Variants in PKHD1 observed in about 807,000 individuals in gnomAD.
The protein encoded by PKHD1 is PKHD1 ciliary IPT domain containing fibrocystin/polyductin, also known as fibrocystin.
A neutral mutation model predicts 412.0 loss-of-function variants in PKHD1; 291 were observed. The ratio of observed to expected loss-of-function variants is 0.71; its 90% CI spans 0.64 to 0.78. PKHD1 has a LOEUF of 0.78. Among genes scored for constraint, PKHD1 ranks in the 30% least tolerant of loss-of-function variants. PKHD1 has a pLI of 0.00. For missense variants in PKHD1, 4,825 were observed against 4,950.7 expected, an observed-to-expected ratio of 0.97 and a Z score of 0.76; for synonymous variants, 1,777 against 1,821.5, an observed-to-expected ratio of 0.98 and a Z score of 0.62.
intron 52 of PKHD1, among the ~76,000 whole-genome samples, chr6:51,810,069 T>C (rs750147318): frequency 1.3e-5 from 2 of 152,108 alleles, no homozygotes; most frequent in Non-Finnish European, 2.9e-5. Context: ...ATATTTCCTA[T>C]GGACTTCTTG....
chr6:51,825,781 C>T (rs1381114118), intron 52 of PKHD1, among the ~76,000 whole-genome samples: 4 of 152,088 alleles, frequency 2.6e-5, no homozygotes, highest in Non-Finnish European at 4.4e-5. Flanking sequence ...CACTTGTCAC[C>T]ATTCTGATGC....
intron 64 of PKHD1, among the ~76,000 whole-genome samples, chr6:51,635,868 C>T (rs943364209): frequency 6.5e-5 from 3 of 46,098 alleles, no homozygotes; most frequent in Non-Finnish European, 1.3e-4. Flanking sequence ...TGGGGGGGGG[C>T]GGGGGGCCGG....
chr6:52,011,407 A>G (rs1799806352), intron 34 of PKHD1, among the ~76,000 whole-genome samples: 1 of 152,250 alleles, frequency 6.6e-6, no homozygotes. Context: ...AATTAGGAAG[A>G]GGTGTAAAAA....
intron 60 of PKHD1, among the ~76,000 whole-genome samples, chr6:51,712,249 T>C (rs1410958109): frequency 1.3e-5 from 2 of 152,146 alleles, no homozygotes; most frequent in African/African-American, 2.4e-5. Context: ...CGTAACCACA[T>C]AGCTTCTTCC....
At chr6:51,671,824 G>T (rs1323654382) in intron 60 of PKHD1, among the ~76,000 whole-genome samples, 1 of 152,156 alleles carries the variant, frequency 6.6e-6, no homozygotes, top group African/African-American at 2.4e-5. Flanking sequence ...GTGTCAGTCT[G>T]CTCCTGCTGG....
intron 16 of PKHD1, 49 bp from the exon 17 acceptor site, chr6:52,057,028 A>G (rs1189641291): frequency 2.5e-6 from 3 of 1,221,390 alleles, no homozygotes; most frequent in African/African-American, 1.5e-5. Flanking sequence ...TAATTAAGCC[A>G]GAGAGACAAT....
chr6:51,781,654 G>A (rs1792030983), intron 53 of PKHD1, among the ~76,000 whole-genome samples: 1 of 151,940 alleles, frequency 6.6e-6, no homozygotes, highest in African/African-American at 2.4e-5. Flanking sequence ...ATGGCACAGT[G>A]TCTGTACATA....
At chr6:52,087,371 C>T (rs189875313) in intron 1 of PKHD1, 63 bp downstream of exon 1, 2 of 152,300 alleles carry the variant, frequency 1.3e-5, no homozygotes, top group Admixed American at 1.3e-4. Context: ...TTCACCAGAA[C>T]GTTAACAAGA....
intron 60 of PKHD1, among the ~76,000 whole-genome samples, chr6:51,715,466 T>C (rs1781147540): frequency 6.6e-6 from 1 of 152,226 alleles, no homozygotes; most frequent in South Asian, 2.1e-4. Flanking sequence ...TTCTTCCAGA[T>C]ACCTAGTATG....
At chr6:51,680,325 T>C (rs1161963130) in intron 60 of PKHD1, among the ~76,000 whole-genome samples, 1 of 151,976 alleles carries the variant, frequency 6.6e-6, no homozygotes, top group Admixed American at 6.6e-5. Context: ...ACAACACTAC[T>C]TGAAATAAAA....
In PKHD1 at chr6:51,791,321, C is replaced by A; in HGVS notation, c.8355G>T (p.Val2785=). 1 of 1,613,286 alleles carries A rather than the reference C, an allele frequency of 6.2e-7. No homozygotes were observed. The highest frequency in any genetic ancestry group is 8.5e-7 in the Non-Finnish European group (1 of 1,179,268). ...CCACAGGGAAGTCTAAGGTCCCCATCACATACAGCCCTTTGAAGAATGGAA... is the reference window on the plus strand; with the variant it reads ...CCACAGGGAAGTCTAAGGTCCCCATAACATACAGCCCTTTGAAGAATGGAA... ...TDLPFFKGLY[V]MGTLDFPVDR... Residue 2785 remains valine (V), a synonymous_variant, in exon 53 of 67, where the codon GTG becomes GTT. Coordinates refer to ENST00000371117, the MANE Select transcript of PKHD1 (RefSeq NM_138694.4).
intron 52 of PKHD1, among the ~76,000 whole-genome samples, chr6:51,828,936 G>A (rs1391271294): frequency 6.6e-6 from 1 of 152,084 alleles, no homozygotes; most frequent in Non-Finnish European, 1.5e-5. Context: ...ATTTTTTGGA[G>A]ATAGAAGAGG....
At chr6:51,788,832 A>G (rs1459722581) in intron 53 of PKHD1, among the ~76,000 whole-genome samples, 2 of 152,192 alleles carry the variant, frequency 1.3e-5, no homozygotes, top group South Asian at 2.1e-4. Flanking sequence ...TTGAACACCT[A>G]CTACATACCA....
chr6:51,929,855 T>A (rs1295796277), intron 37 of PKHD1, among the ~76,000 whole-genome samples: 1 of 152,248 alleles, frequency 6.6e-6, no homozygotes, highest in Non-Finnish European at 1.5e-5. Flanking sequence ...TTAATGCCTA[T>A]ATCTTGTAAT....
chr6:51,901,536 G>A (rs111495059), intron 43 of PKHD1, among the ~76,000 whole-genome samples: 5,825 of 152,080 alleles, frequency 0.038, 179 homozygotes, highest in Non-Finnish European at 0.063. Flanking sequence ...GGGGGGAGTG[G>A]GGAGGAATAG....
At chr6:51,738,639 T>C (rs1334348238) in intron 60 of PKHD1, among the ~76,000 whole-genome samples, 1 of 152,144 alleles carries the variant, frequency 6.6e-6, no homozygotes, top group Non-Finnish European at 1.5e-5. Flanking sequence ...GTACACTAAA[T>C]AAATAAATTG....
In PKHD1 at chr6:52,065,158, T is replaced by G. The variant is rs867819307; in HGVS notation, c.881-108A>C. Reference sequence around the variant, plus strand: ...TTATATATATATATATATATATATATATATATATATAGAGAGAGAGAGAGA... The same window carrying G: ...TTATATATATATATATATATATATAGATATATATATAGAGAGAGAGAGAGA... On this transcript the variant is annotated intron_variant, in intron 12 of 66. Coordinates refer to ENST00000371117, the MANE Select transcript of PKHD1 (RefSeq NM_138694.4). 4,407 of 77,612 alleles carry G rather than the reference T, an allele frequency of 0.057. 108 individuals are homozygous for G. Among genetic ancestry groups the G allele is most frequent in the African/African-American group, 0.11 (1,547 of 14,288 alleles). The allele number at this position is 77,612 out of a possible 1,614,324, so 4.8% of individuals were successfully genotyped here. A position where few individuals can be genotyped will look rare whatever the true frequency, so the allele number is the denominator to read the frequency against.
chr6:51,748,100 C>T lies in PKHD1; in HGVS notation c.9516G>A (p.Leu3172=). ...ENSVEIENIT[L]VDNTIGLLAV... is the part of the protein sequence containing the mutation. ...CCAAAAGACCAATAGTATTGTCTAC[C>T]AGAGTAATGTTCTCTATCTCCACGC... The change falls in exon 58 of 67, where the codon CTG becomes CTA. Residue 3172 remains leucine, a synonymous_variant. Coordinates refer to ENST00000371117, the MANE Select transcript of PKHD1 (RefSeq NM_138694.4). 1.2e-6 allele frequency: 2 copies of T among 1,613,744 alleles called. No homozygotes were observed. Among genetic ancestry groups the T allele is most frequent in the Non-Finnish European group, 1.7e-6 (2 of 1,179,684 alleles).
intron 51 of PKHD1, among the ~76,000 whole-genome samples, chr6:51,833,416 A>T (rs1768629384): frequency 6.6e-6 from 1 of 152,174 alleles, no homozygotes; most frequent in South Asian, 2.1e-4. Context: ...ATAAGAAAAC[A>T]TGTTTCAGTC....
Sources: gnomAD v4.1 joint callset for allele counts (sites outside exome capture counted in the v4.1 genomes callset) on GRCh38, gnomAD v4.1.1 for gene constraint, MANE v1.5 for transcripts, NCBI Gene and HGNC (gene_info 2026-07-23, HGNC 2026-07-21) for gene names.